CNKSR2: variants seen among roughly 807,000 people sequenced by gnomAD.
CNKSR2 encodes the protein CNK homolog protein 2.
In CNKSR2, 14 loss-of-function variants were observed where a neutral mutation model predicts 84.4. That is an observed-to-expected ratio of 0.17 (90% CI 0.11 to 0.26). The LOEUF is 0.26. Ranked by LOEUF, CNKSR2 falls within the 10% of genes least tolerant of loss-of-function variation. The probability of loss-of-function intolerance (pLI) is 1.00; values close to 1 mark genes in which losing one functional copy is unlikely to be tolerated. For synonymous variants in CNKSR2, 275 were observed against 277.9 expected (o/e 0.99, Z 0.10); for missense variants, 485 against 771.2 (o/e 0.63, Z 4.40).
At chrX:21,435,618 C>T (rs1203596014) in intron 3 of CNKSR2, among the ~76,000 whole-genome samples, 1 of 111,689 alleles carries the variant, frequency 9.0e-6, no homozygotes, top group Non-Finnish European at 1.9e-5. Flanking sequence ...TGTTTATTTT[C>T]AATGCATGGT....
intron 20 of CNKSR2, chrX:21,641,561 C>T (rs1170115988): frequency 2.6e-6 from 3 of 1,173,360 alleles, no homozygotes; most frequent in Non-Finnish European, 3.4e-6. Flanking sequence ...TTGGTAGAAC[C>T]TCTCCATGCC....
At chrX:21,516,901 C>T (rs2091732578) in intron 9 of CNKSR2, among the ~76,000 whole-genome samples, 1 of 110,769 alleles carries the variant, frequency 9.0e-6, no homozygotes, top group Non-Finnish European at 1.9e-5. Context: ...TATTTCATGC[C>T]AAAATATGGA....
intron 8 of CNKSR2, chrX:21,506,180 G>T (rs922950174): frequency 9.0e-6 from 1 of 111,432 alleles, no homozygotes; most frequent in Admixed American, 9.5e-5. Context: ...TGTTAGCATG[G>T]TGTTTAACAT....
chrX:21,479,820 G>A (rs2091297950), intron 5 of CNKSR2, among the ~76,000 whole-genome samples: 2 of 109,916 alleles, frequency 1.8e-5, no homozygotes, highest in African/African-American at 6.6e-5. Flanking sequence ...TTCACAGCAA[G>A]AGTTAGGATG....
At chrX:21,464,691 T>C (rs1454767545) in intron 4 of CNKSR2, among the ~76,000 whole-genome samples, 1 of 111,390 alleles carries the variant, frequency 9.0e-6, no homozygotes, top group Non-Finnish European at 1.9e-5. Flanking sequence ...TACAGACCCC[T>C]CAACCCTCAC....
chrX:21,548,235 G>C (rs1306779576), intron 11 of CNKSR2, among the ~76,000 whole-genome samples: 1 of 111,549 alleles, frequency 9.0e-6, no homozygotes, highest in African/African-American at 3.3e-5. Context: ...TGATGAAGGA[G>C]AGATCACCAC....
At chrX:21,405,872 G>A (rs952022348) in intron 1 of CNKSR2, among the ~76,000 whole-genome samples, 3 of 111,129 alleles carry the variant, frequency 2.7e-5, no homozygotes, top group African/African-American at 6.5e-5. Context: ...AAATCCTAAC[G>A]GTTCAGAAAA....
intron 5 of CNKSR2, among the ~76,000 whole-genome samples, chrX:21,487,161 A>G (rs1392612849): frequency 8.9e-6 from 1 of 112,045 alleles, no homozygotes; most frequent in Non-Finnish European, 1.9e-5. Context: ...TTGTATTCCT[A>G]GCAGCACCTA....
chrX:21,422,633 A>G (rs1364772678), intron 1 of CNKSR2, among the ~76,000 whole-genome samples: 1 of 112,099 alleles, frequency 8.9e-6, no homozygotes, highest in Non-Finnish European at 1.9e-5. Flanking sequence ...AAACAGTCTA[A>G]TGGGAACTTA....
intron 4 of CNKSR2, among the ~76,000 whole-genome samples, chrX:21,447,146 C>G (rs1018420391): frequency 3.5e-4 from 39 of 111,676 alleles, no homozygotes; most frequent in South Asian, 3.7e-4. Context: ...TTTCTGAATT[C>G]ATGCATGTTT....
intron 20 of CNKSR2, among the ~76,000 whole-genome samples, chrX:21,630,721 A>ATATG (rs1339024240): frequency 1.8e-5 from 2 of 111,417 alleles, no homozygotes; most frequent in Non-Finnish European, 3.8e-5. Context: ...ATACATATAT[A>ATATG]TATATATTGA....
At chrX:21,562,624 G>C (rs1450273251) in intron 12 of CNKSR2, among the ~76,000 whole-genome samples, 1 of 111,548 alleles carries the variant, frequency 9.0e-6, no homozygotes, top group African/African-American at 3.2e-5. Context: ...GTATAAAAGA[G>C]AAATGCTTAT....
At chrX:21,577,623 G>A (rs1411705307) in intron 13 of CNKSR2, among the ~76,000 whole-genome samples, 1 of 109,486 alleles carries the variant, frequency 9.1e-6, no homozygotes, top group African/African-American at 3.3e-5. Flanking sequence ...TAGGCAATTG[G>A]CTTTTTTTTT....
At chrX:21,451,737 T>C (rs923288146) in intron 4 of CNKSR2, among the ~76,000 whole-genome samples, 4 of 102,338 alleles carry the variant, frequency 3.9e-5, no homozygotes, top group African/African-American at 1.4e-4. Context: ...TTAGGAGATA[T>C]ACCTAATGCT....
chrX:21,614,431 T>C (rs1004589922), intron 20 of CNKSR2, among the ~76,000 whole-genome samples: 3 of 111,742 alleles, frequency 2.7e-5, no homozygotes, highest in African/African-American at 9.8e-5. Flanking sequence ...TAAGTTATAG[T>C]TCATGTCTAA....
chrX:21,427,504 C>T, intron 2 of CNKSR2: 1 of 111,213 alleles, frequency 9.0e-6, no homozygotes, highest in Non-Finnish European at 1.9e-5. Flanking sequence ...GGTGAGATTC[C>T]TTATCAACAA....
intron 3 of CNKSR2, among the ~76,000 whole-genome samples, chrX:21,433,653 T>TAC (rs56377458): frequency 0.1 from 9,094 of 87,418 alleles, 427 homozygotes; most frequent in African/African-American, 0.14. Context: ...TATGTGTTCC[T>TAC]ACACACACAC....
intron 20 of CNKSR2, among the ~76,000 whole-genome samples, chrX:21,613,190 G>A (rs777308648): frequency 1.8e-5 from 2 of 111,994 alleles, no homozygotes; most frequent in East Asian, 2.8e-4. Flanking sequence ...TGAAAGTATG[G>A]GACAAAATAT....
At chrX:21,395,451 AC>A (rs1327240934) in intron 1 of CNKSR2, among the ~76,000 whole-genome samples, 2 of 111,345 alleles carry the variant, frequency 1.8e-5, no homozygotes, top group African/African-American at 6.5e-5. Context: ...TTTCATTCAA[AC>A]TTTGAAGACC....
Sources: gnomAD v4.1 joint callset for allele counts (sites outside exome capture counted in the v4.1 genomes callset) on GRCh38, gnomAD v4.1.1 for gene constraint, MANE v1.5 for transcripts, NCBI Gene and HGNC (gene_info 2026-07-23, HGNC 2026-07-21) for gene names.